Variants in TFDP2 observed in about 807,000 individuals in gnomAD.
TFDP2 encodes transcription factor Dp-2, also known as transcription factor Dp-2 (E2F dimerization partner 2).
In TFDP2, 17 loss-of-function variants were observed where a neutral mutation model predicts 59.3. That is an observed-to-expected ratio of 0.29 (90% CI 0.20 to 0.43). The LOEUF (loss-of-function observed/expected upper bound fraction) is 0.43. TFDP2 is among the 20% of genes least tolerant of loss of function. The probability of loss-of-function intolerance (pLI) is 1.00; values close to 1 mark genes in which losing one functional copy is unlikely to be tolerated. For synonymous variants in TFDP2, 180 were observed against 194.7 expected, an observed-to-expected ratio of 0.92 and a Z score of 0.63; for missense variants, 391 against 528.8, an observed-to-expected ratio of 0.74 and a Z score of 2.56.
intron 3 of TFDP2, among the ~76,000 whole-genome samples, chr3:142,008,031 T>C (rs758132853): frequency 1.3e-5 from 2 of 152,150 alleles, no homozygotes; most frequent in Non-Finnish European, 2.9e-5. Context: ...AATTTGCAAC[T>C]TCATATCTGG....
At chr3:141,982,132 C>T (rs1941553356) in intron 6 of TFDP2, among the ~76,000 whole-genome samples, 1 of 151,922 alleles carries the variant, frequency 6.6e-6, no homozygotes, top group Non-Finnish European at 1.5e-5. Flanking sequence ...ATTTTAAATA[C>T]TTAATATAAG....
At chr3:141,993,641 T>C in intron 5 of TFDP2, 56 bp from the exon 6 acceptor site, 1 of 1,028,202 alleles carries the variant, frequency 9.7e-7, no homozygotes, top group Non-Finnish European at 1.4e-6. Flanking sequence ...CAATTTAATT[T>C]CATTAATACT....
In TFDP2 at chr3:141,968,570, A is replaced by T. The variant is rs185175603; in HGVS notation, c.732+1503T>A. The stretch of plus-strand genomic sequence containing the variant: ...ATATATCTCATATATATAGATATAT[A>T]TAACATATATATCTCATATATAGAT... On this transcript the variant is annotated intron_variant, in intron 9 of 12. Coordinates refer to ENST00000489671, the MANE Select transcript of TFDP2 (RefSeq NM_001178139.2). Among the ~76,000 whole-genome samples, 115 of 104,390 alleles carry T rather than the reference A, an allele frequency of 1.1e-3. 11 individuals are homozygous for T. Among genetic ancestry groups the T allele is most frequent in the African/African-American group, 5.2e-3 (109 of 20,982 alleles). 68.5% of individuals were successfully genotyped at this position (104,390 alleles called of 152,430 possible). A position where few individuals can be genotyped will look rare whatever the true frequency, so the allele number is the denominator to read the frequency against.
chr3:142,039,501 C>T (rs1017713866), intron 3 of TFDP2, among the ~76,000 whole-genome samples: 3 of 152,162 alleles, frequency 2.0e-5, no homozygotes, highest in Admixed American at 6.6e-5. Flanking sequence ...AACCTCCCAC[C>T]TCTCACATAC....
chr3:142,045,716 G>A (rs1320715777), intron 3 of TFDP2, among the ~76,000 whole-genome samples: 1 of 150,790 alleles, frequency 6.6e-6, no homozygotes, highest in African/African-American at 2.4e-5. Flanking sequence ...GGGTTCAAAG[G>A]ATTCTTCTGC....
At chr3:142,022,441 AT>A (rs1435255905) in intron 3 of TFDP2, among the ~76,000 whole-genome samples, 2 of 152,074 alleles carry the variant, frequency 1.3e-5, no homozygotes, top group Admixed American at 1.3e-4. Flanking sequence ...TAAGTGTTAT[AT>A]TTTTTCACTG....
intron 3 of TFDP2, among the ~76,000 whole-genome samples, chr3:142,046,920 C>G (rs1947369894): frequency 6.6e-6 from 1 of 152,076 alleles, no homozygotes; most frequent in South Asian, 2.1e-4. Context: ...CCCAAAAGGT[C>G]CTAAAATAAT....
At chr3:142,031,076 C>T (rs568093983) in intron 3 of TFDP2, among the ~76,000 whole-genome samples, 2 of 152,184 alleles carry the variant, frequency 1.3e-5, no homozygotes, top group African/African-American at 4.8e-5. Flanking sequence ...GAGCACCCCC[C>T]CGGCCCTCCA....
At chr3:141,973,885 T>C (rs189110818) in intron 8 of TFDP2, among the ~76,000 whole-genome samples, 163 bp downstream of exon 8, 139 of 152,258 alleles carry the variant, frequency 9.1e-4, no homozygotes, top group African/African-American at 3.2e-3. Context: ...AGACTATACC[T>C]ATAAGGCGCC....
At chr3:142,123,892 G>A (rs1412978164) in intron 1 of TFDP2, among the ~76,000 whole-genome samples, 1 of 152,090 alleles carries the variant, frequency 6.6e-6, no homozygotes, top group African/African-American at 2.4e-5. Context: ...GATTACAACT[G>A]TTTACAGAGC....
intron 3 of TFDP2, among the ~76,000 whole-genome samples, chr3:142,083,643 C>CA (rs1002580160): frequency 3.3e-5 from 5 of 151,916 alleles, no homozygotes; most frequent in East Asian, 3.9e-4. Flanking sequence ...ATGATACTGG[C>CA]AAAAAAACAG....
chr3:141,961,134 TACAAA>T (rs1198581749), intron 10 of TFDP2, among the ~76,000 whole-genome samples: 2 of 151,720 alleles, frequency 1.3e-5, no homozygotes, highest in South Asian at 2.1e-4. Context: ...TAATTCTCCA[TACAAA>T]ACAAGAGACT....
chr3:142,012,015 C>CTTTTTTT (rs1248723479), intron 3 of TFDP2, among the ~76,000 whole-genome samples: 3 of 138,240 alleles, frequency 2.2e-5, no homozygotes, highest in Non-Finnish European at 4.7e-5. Context: ...TTCTTTCTTT[C>CTTTTTTT]TTTTTTTTTT....
intron 1 of TFDP2, among the ~76,000 whole-genome samples, chr3:142,134,854 GA>G (rs1214769111): frequency 2.6e-5 from 4 of 151,706 alleles, no homozygotes; most frequent in African/African-American, 9.7e-5. Flanking sequence ...TAAGCAAAAA[GA>G]AAAAAAATCT....
At chr3:142,090,742 G>A (rs2060970401) in intron 3 of TFDP2, 2 of 152,028 alleles carry the variant, frequency 1.3e-5, no homozygotes, top group South Asian at 4.1e-4. Flanking sequence ...TGTACTTTTA[G>A]TAGAGACAGG....
chr3:142,054,279 G>A (rs561601349), intron 3 of TFDP2: 2 of 152,100 alleles, frequency 1.3e-5, no homozygotes, highest in South Asian at 2.1e-4. Flanking sequence ...TACAAATGGT[G>A]GTATATCATA....
At position 142,101,814 on chromosome 3, in the gene TFDP2, G is replaced by A. The variant is rs1054884535; in HGVS notation, c.-65C>T. 48 of 966,580 alleles carry A rather than the reference G, an allele frequency of 5.0e-5. No homozygotes were observed. Among genetic ancestry groups the A allele is most frequent in the Admixed American group, 9.5e-5 (3 of 31,702 alleles). 59.9% of individuals were successfully genotyped at this position (966,580 alleles called of 1,614,324 possible). ...AAAAAATAAAAAGAAAAAAACCTTCGTCTTCAATAATTCTTTAAAAGAACA... is the reference window on the plus strand; with the variant it reads ...AAAAAATAAAAAGAAAAAAACCTTCATCTTCAATAATTCTTTAAAAGAACA... On this transcript the variant is annotated 5_prime_UTR_variant, in exon 2 of 13. It adds an upstream start codon to the 5' untranslated region. Transcript: ENST00000489671.
In TFDP2 at chr3:142,149,454, A is replaced by T; in HGVS notation, c.-364T>A. The T allele has an allele frequency of 2.6e-6, 1 of 377,438 alleles. No individual in the cohort carries two copies. 23.4% of individuals were successfully genotyped at this position (377,438 alleles called of 1,614,324 possible). A position where few individuals can be genotyped will look rare whatever the true frequency, so the allele number is the denominator to read the frequency against. Reference sequence around the variant, plus strand: ...GGCAGCTGCGGCAGCGCCGCAGCCGAGATCGCTACCGATTTCGTCCGCCCT... The same window carrying T: ...GGCAGCTGCGGCAGCGCCGCAGCCGTGATCGCTACCGATTTCGTCCGCCCT... On this transcript the variant is annotated 5_prime_UTR_variant, in exon 1 of 13. Transcript: ENST00000489671.
At chr3:142,131,048 C>T (rs1377007697) in intron 1 of TFDP2, among the ~76,000 whole-genome samples, 3 of 128,672 alleles carry the variant, frequency 2.3e-5, no homozygotes, top group East Asian at 2.0e-4. Context: ...AGCGAAACTA[C>T]GTCTCAAAAA....
Sources: gnomAD v4.1 joint callset for allele counts (sites outside exome capture counted in the v4.1 genomes callset) on GRCh38, gnomAD v4.1.1 for gene constraint, MANE v1.5 for transcripts, NCBI Gene and HGNC (gene_info 2026-07-23, HGNC 2026-07-21) for gene names.